Variants in WDR62 observed in about 807,000 individuals in gnomAD.
The protein encoded by WDR62 is WD repeat-containing protein 62.
In WDR62, 112 loss-of-function variants were observed where a neutral mutation model predicts 160.6. That is an observed-to-expected ratio of 0.70 (90% confidence interval 0.60 to 0.82). WDR62 has a LOEUF of 0.82. Ranked by LOEUF, WDR62 falls within the 40% of genes least tolerant of loss-of-function variation. The pLI, the probability that WDR62 is intolerant of heterozygous loss-of-function variation, is 0.00. For missense variants in WDR62, 1,819 were observed against 1,983.8 expected, an observed-to-expected ratio of 0.92 and a Z score of 1.58; for synonymous variants, 792 against 815.1, an observed-to-expected ratio of 0.97 and a Z score of 0.48.
At chr19:36,078,376 C>G (rs1971701925) in intron 9 of WDR62, among the ~76,000 whole-genome samples, 1 of 150,862 alleles carries the variant, frequency 6.6e-6, no homozygotes, top group Non-Finnish European at 1.5e-5. Flanking sequence ...TCAAACTCCT[C>G]GCCTCAAGTG....
chr19:36,066,547 A>G (rs958531223), intron 5 of WDR62, 120 bp downstream of exon 5: 3 of 1,098,810 alleles, frequency 2.7e-6, no homozygotes, highest in Non-Finnish European at 2.7e-6. Context: ...AACAGATAAC[A>G]GCTATTGAGC....
Position 36,083,140 on chromosome 19 carries a change from C to T in WDR62, c.1449C>T (p.Ser483=), listed in dbSNP as rs1363369616. 8.1e-6 allele frequency: 13 copies of T among 1,613,496 alleles called. No homozygotes were observed. The highest frequency in any genetic ancestry group is 7.7e-5 in the South Asian group (7 of 90,936). Residue 483 remains serine (S), a synonymous_variant, in exon 11 of 32, where the codon AGC becomes AGT. Transcript: ENST00000401500. Reference sequence around the variant, plus strand: ...TGTCACACTTCCCAGACCGGGGGAGCGAGAATGGGACACCCATGGACGTGA... The same window carrying T: ...TGTCACACTTCCCAGACCGGGGGAGTGAGAATGGGACACCCATGGACGTGA... ...QDMSHFPDRG[S]ENGTPMDVKA...
intron 9 of WDR62, among the ~76,000 whole-genome samples, chr19:36,079,537 T>C (rs1215282963): frequency 1.3e-5 from 2 of 152,262 alleles, no homozygotes; most frequent in Non-Finnish European, 2.9e-5. Flanking sequence ...CTCTTCAGTG[T>C]GGAGCTTTGT....
rs1198449165 is a variant in WDR62 at position 36,100,749 on chromosome 19, C to CA, written c.2742dup (p.Glu915ArgfsTer22). The CA allele has an allele frequency of 6.2e-7, 1 of 1,613,886 alleles. No homozygotes were observed. The highest frequency in any genetic ancestry group is 1.3e-5 in the African/African-American group (1 of 74,926). On this transcript the variant is annotated frameshift_variant and splice_region_variant, in exon 23 of 32. Transcript: ENST00000401500. LOFTEE classifies it high-confidence loss of function. ...ATGGCTGTGCTGTCTTCCCCATAGT[C>CA]AGAGAGTCCCCAGGAAGCTGGCCGC...
Position 36,067,962 on chromosome 19 carries a change from C to A in WDR62, c.834C>A (p.Leu278=), listed in dbSNP as rs773215257. 1.9e-6 allele frequency: 3 copies of A among 1,614,184 alleles called. No homozygotes were observed. In the South Asian group the frequency reaches 3.3e-5, roughly 18 times the overall value. The change falls in exon 7 of 32, where the codon CTC becomes CTA. Residue 278 remains leucine (L), a synonymous_variant. Transcript: ENST00000401500. ...STFCVSYSGL[L]CQFNEKRVLE... The stretch of plus-strand genomic sequence containing the variant: ...TCTGTGTGTCCTACTCGGGCCTCCT[C>A]TGCCAGTTCAATGAGAAGAGGGTGC...
At chr19:36,080,266 C>A (rs1405326867) in intron 9 of WDR62, among the ~76,000 whole-genome samples, 2 of 150,670 alleles carry the variant, frequency 1.3e-5, no homozygotes, top group African/African-American at 4.9e-5. Flanking sequence ...TGCCACCACG[C>A]CCGGCTAATT....
downstream of WDR62, among the ~76,000 whole-genome samples, chr19:36,107,008 C>A (rs1230890919): frequency 6.6e-6 from 1 of 152,168 alleles, no homozygotes; most frequent in African/African-American, 2.4e-5. Flanking sequence ...CCCCCCAGGC[C>A]TCGGACACCC....
chr19:36,080,177 G>A (rs1012676214), intron 9 of WDR62, among the ~76,000 whole-genome samples: 8 of 151,334 alleles, frequency 5.3e-5, no homozygotes, highest in Admixed American at 1.3e-4. Context: ...GCGTGATCTC[G>A]GCTCACTGCA....
intron 22 of WDR62, among the ~76,000 whole-genome samples, chr19:36,100,414 T>C (rs967591911): frequency 3.0e-4 from 46 of 152,234 alleles, no homozygotes; most frequent in African/African-American, 1.1e-3. Context: ...TTCTACCTCA[T>C]AGAAACCCCC....
intron 10 of WDR62, among the ~76,000 whole-genome samples, chr19:36,082,113 G>C (rs965062309): frequency 2.0e-5 from 3 of 152,214 alleles, no homozygotes; most frequent in African/African-American, 7.2e-5. Flanking sequence ...TAACGTCCAT[G>C]CCAGGTGCTT....
chr19:36,064,297 A>G (rs973992786), intron 3 of WDR62, among the ~76,000 whole-genome samples: 8 of 151,718 alleles, frequency 5.3e-5, no homozygotes, highest in Non-Finnish European at 8.8e-5. Flanking sequence ...TCTTTTTGAG[A>G]CAGAGTCTCA....
At chr19:36,102,284 CG>C (rs1973407881) in intron 26 of WDR62, 133 bp downstream of exon 26, 2 of 1,319,170 alleles carry the variant, frequency 1.5e-6, no homozygotes, top group Non-Finnish European at 2.2e-6. Flanking sequence ...TTTTTTGAGA[CG>C]GAGTCTCGCT....
chr19:36,102,971 G>A lies in WDR62; in HGVS notation c.3359G>A (p.Arg1120Gln), dbSNP rs772078670. 20 of 1,613,934 alleles carry A rather than the reference G, an allele frequency of 1.2e-5. No individual in the cohort carries two copies. The highest frequency in any genetic ancestry group is 4.0e-5 in the African/African-American group (3 of 74,920). The change falls in exon 28 of 32, where the codon CGG (arginine) becomes CAG (glutamine). Residue 1120 changes from arginine to glutamine, a missense_variant. This residue lies in a region of WDR62 where 770 missense variants were observed against 734.2 expected (regional missense o/e 1.05). Transcript: ENST00000401500. Reference sequence around the variant, plus strand: ...AGGTTCACCCATACCTTCCCTCCCCGGGCAACCCAGTGCCTTGTGAAGTCT... The same window carrying A: ...AGGTTCACCCATACCTTCCCTCCCCAGGCAACCCAGTGCCTTGTGAAGTCT... Reference protein sequence around the residue: ...ASRFTHTFPPRATQCLVKSPE... With the variant: ...ASRFTHTFPPQATQCLVKSPE...
At chr19:36,090,218 C>T (rs1319402999) in intron 15 of WDR62, among the ~76,000 whole-genome samples, 3 of 152,194 alleles carry the variant, frequency 2.0e-5, no homozygotes, top group South Asian at 2.1e-4. Context: ...CTTTCTCATG[C>T]GGTGCCAAGC....
chr19:36,093,611 T>C (rs1972771286), intron 19 of WDR62, among the ~76,000 whole-genome samples: 1 of 152,146 alleles, frequency 6.6e-6, no homozygotes, highest in African/African-American at 2.4e-5. Flanking sequence ...TAGAGATATC[T>C]TGCTTTTGAG....
chr19:36,085,421 T>TTTTTTTTTTTTG (rs1972159109), intron 12 of WDR62, among the ~76,000 whole-genome samples: 1 of 128,990 alleles, frequency 7.8e-6, no homozygotes, highest in Non-Finnish European at 1.7e-5. Flanking sequence ...GACCTTTTTT[T>TTTTTTTTTTTTG]TTTTTTTTTT....
chr19:36,063,292 C>T (rs1045009631), intron 3 of WDR62, among the ~76,000 whole-genome samples: 4 of 151,614 alleles, frequency 2.6e-5, no homozygotes, highest in South Asian at 2.1e-4. Context: ...CACTGTCGCC[C>T]GGGCTGGAGT....
In WDR62 at chr19:36,101,777, A is replaced by G. The variant is rs1275687192; in HGVS notation, c.3082+3A>G. On this transcript the variant is annotated splice_donor_region_variant and intron_variant, in intron 25 of 31. Coordinates refer to ENST00000401500, the MANE Select transcript of WDR62 (RefSeq NM_001083961.2). ...CACGTCGCTGCCCCATTTCCCAGGT[A>G]AGCAGGGGCCAGACACGCAGGGGAC... 6.4e-7 allele frequency: 1 copy of G among 1,551,176 alleles called. No homozygotes were observed. The highest frequency in any genetic ancestry group is 8.7e-7 in the Non-Finnish European group (1 of 1,146,690).
rs149289227 is a variant in WDR62, at chr19:36,104,794, C to T, written c.4338C>T (p.Thr1446=). 463 of 1,613,632 alleles carry T rather than the reference C, an allele frequency of 2.9e-4. 2 individuals are homozygous for T. The African/African-American group carries it at 5.6e-3, about 20-fold the overall frequency. The change falls in exon 32 of 32, where the codon ACC becomes ACT. Residue 1446 remains threonine (T), a synonymous_variant. Coordinates refer to ENST00000401500, the MANE Select transcript of WDR62 (RefSeq NM_001083961.2). The part of the protein sequence containing the change: ...RVLVSSGQVD[T]GQQQARTELV... ...TGGTCTCCAGTGGCCAGGTGGACACCGGGCAGCAGCAGGCACGGACTGAGC... is the reference window on the plus strand; with the variant it reads ...TGGTCTCCAGTGGCCAGGTGGACACTGGGCAGCAGCAGGCACGGACTGAGC...
Sources: allele counts gnomAD v4.1 joint callset (sites outside exome capture counted in the v4.1 genomes callset), GRCh38; gene constraint gnomAD v4.1.1; regional missense constraint gnomAD v4.1.1; transcripts MANE v1.5; gene names NCBI Gene and HGNC (gene_info 2026-07-23, HGNC 2026-07-21).